AJAP1: variants seen among roughly 807,000 people sequenced by gnomAD.
The protein encoded by AJAP1 is adherens junction-associated protein 1.
AJAP1 carries 5 observed loss-of-function variants against 35.0 expected under a neutral mutation model. The observed-to-expected ratio is 0.14, with a 90% CI of 0.07 to 0.30. The LOEUF is 0.30. Ranked by LOEUF, AJAP1 falls within the 10% of genes least tolerant of loss-of-function variation. The pLI is 1.00. For missense variants in AJAP1, 586 were observed against 571.0 expected, an observed-to-expected ratio of 1.03 and a Z score of -0.27; for synonymous variants, 284 against 249.3, an observed-to-expected ratio of 1.14 and a Z score of -1.31.
At chr1:4,753,757 A>G (rs956567976) in intron 2 of AJAP1, among the ~76,000 whole-genome samples, 8 of 152,170 alleles carry the variant, frequency 5.3e-5, no homozygotes, top group African/African-American at 1.9e-4. Flanking sequence ...TTTTTAGTAG[A>G]GACAGGGTTT....
chr1:4,752,379 T>C (rs976279311), intron 2 of AJAP1, among the ~76,000 whole-genome samples: 3 of 152,084 alleles, frequency 2.0e-5, no homozygotes, highest in African/African-American at 7.2e-5. Flanking sequence ...GAGGACGTCA[T>C]GATCAGTAAT....
intron 4 of AJAP1, among the ~76,000 whole-genome samples, chr1:4,773,138 CT>C (rs1000095479): frequency 2.0e-5 from 3 of 151,266 alleles, no homozygotes; most frequent in African/African-American, 4.9e-5. Context: ...TATCAATAAG[CT>C]TTTTTTTTAA....
At position 4,668,785 on chromosome 1, in the gene AJAP1, G is replaced by T. The variant is rs118185704; in HGVS notation, c.29+13331G>T. Among the ~76,000 whole-genome samples the T allele has an allele frequency of 6.0e-3, 919 of 152,330 alleles. 37 individuals carry two copies. The South Asian group carries it at 0.075, about 12-fold the overall frequency. On this transcript the variant is annotated intron_variant, in intron 1 of 5. Transcript: ENST00000378191. ...GCACATCCAGGGTTAATGCCCACGG[G>T]GTGGAGCCTTCACTGTCCAGGCTTT...
Position 4,661,550 on chromosome 1 carries a change from C to T in AJAP1, c.29+6096C>T, listed in dbSNP as rs142459486. ...TCCAGGACTCGAAGGTCCATTCGTG[C>T]TCCTTATGCTGACCTCTGTGGCTTT... On this transcript the variant is annotated intron_variant, in intron 1 of 5. Coordinates refer to ENST00000378191, the MANE Select transcript of AJAP1 (RefSeq NM_018836.4). Among the ~76,000 whole-genome samples, 814 of 152,362 alleles carry T rather than the reference C, an allele frequency of 5.3e-3. 11 individuals are homozygous for T. Among genetic ancestry groups the T allele is most frequent in the African/African-American group, 0.019 (771 of 41,588 alleles).
At chr1:4,695,887 G>A (rs913833007) in intron 1 of AJAP1, among the ~76,000 whole-genome samples, 4 of 152,190 alleles carry the variant, frequency 2.6e-5, no homozygotes, top group African/African-American at 4.8e-5. Context: ...GCCCCTAACA[G>A]AGCCTCAGGG....
chr1:4,745,626 T>G (rs1321842242), intron 2 of AJAP1, among the ~76,000 whole-genome samples: 1 of 152,202 alleles, frequency 6.6e-6, no homozygotes, highest in African/African-American at 2.4e-5. Flanking sequence ...ATGCACACCT[T>G]GGGACTGCCA....
chr1:4,721,910 C>A (rs745361005), intron 2 of AJAP1, among the ~76,000 whole-genome samples: 1 of 152,158 alleles, frequency 6.6e-6, no homozygotes, highest in East Asian at 1.9e-4. Flanking sequence ...TAGGGTAAAA[C>A]GCTGTATTTG....
At chr1:4,755,123 G>A (rs1373834825) in intron 2 of AJAP1, among the ~76,000 whole-genome samples, 3 of 152,232 alleles carry the variant, frequency 2.0e-5, no homozygotes, top group African/African-American at 4.8e-5. Flanking sequence ...GGGAGAAGGG[G>A]CACCAGGTGA....
chr1:4,696,408 T>C (rs10915588), intron 1 of AJAP1, among the ~76,000 whole-genome samples: 72,645 of 151,898 alleles, frequency 0.48, 18,025 homozygotes, highest in South Asian at 0.62. Context: ...GTTCCAGCCC[T>C]AGGGGAGCCC....
At chr1:4,703,943 G>T (rs925805120) in intron 1 of AJAP1, among the ~76,000 whole-genome samples, 1 of 152,188 alleles carries the variant, frequency 6.6e-6, no homozygotes, top group Non-Finnish European at 1.5e-5. Context: ...TCTGCCCTCC[G>T]GATGGAGCCC....
In AJAP1 at chr1:4,655,579, G is replaced by A. The variant is rs1570072124; in HGVS notation, c.29+125G>A. On this transcript the variant is annotated intron_variant, in intron 1 of 5. Transcript: ENST00000378191. This position sits in a 1 kb window ranked among gnomAD's most constrained non-coding sequence, Gnocchi z 6.9. ...TCGCTTCCCGCAAGCGGGCAACGGG[G>A]TGCACCGGTAGCCGGAAAGGGGCGC... 1 of 1,250,190 alleles carries A rather than the reference G, an allele frequency of 8.0e-7. No individual in the cohort carries two copies. Among genetic ancestry groups the A allele is most frequent in the East Asian group, 3.1e-5 (1 of 32,124 alleles). 77.4% of individuals were successfully genotyped at this position (1,250,190 alleles called of 1,614,324 possible).
At chr1:4,686,986 T>G (rs1557608831) in intron 1 of AJAP1, among the ~76,000 whole-genome samples, 1 of 152,202 alleles carries the variant, frequency 6.6e-6, no homozygotes, top group Non-Finnish European at 1.5e-5. Context: ...CCTGCCCAAG[T>G]TGACCAGGGC....
At chr1:4,683,892 G>C (rs1639543038) in intron 1 of AJAP1, among the ~76,000 whole-genome samples, 2 of 152,214 alleles carry the variant, frequency 1.3e-5, no homozygotes, top group South Asian at 4.1e-4. Flanking sequence ...AGGGCAGGGG[G>C]CACTGAGGAG....
intron 1 of AJAP1, among the ~76,000 whole-genome samples, chr1:4,658,120 G>A (rs1197653305): frequency 6.6e-6 from 1 of 152,182 alleles, no homozygotes; most frequent in Non-Finnish European, 1.5e-5. Context: ...CCAGGCTGCA[G>A]ACCTCAGATG....
intron 1 of AJAP1, among the ~76,000 whole-genome samples, chr1:4,705,362 G>A (rs1640078137): frequency 1.5e-5 from 2 of 133,514 alleles, no homozygotes; most frequent in South Asian, 2.6e-4. Flanking sequence ...AAAAGCAATG[G>A]CAACAAAAGC....
At chr1:4,686,097 C>T (rs756980666) in intron 1 of AJAP1, among the ~76,000 whole-genome samples, 3 of 152,216 alleles carry the variant, frequency 2.0e-5, no homozygotes, top group East Asian at 3.9e-4. Context: ...GTGCCAGGCA[C>T]GAGACAGCTG....
chr1:4,724,813 A>G (rs930228287), intron 2 of AJAP1, among the ~76,000 whole-genome samples: 1 of 152,232 alleles, frequency 6.6e-6, no homozygotes, highest in African/African-American at 2.4e-5. Flanking sequence ...GCTGAAAGCC[A>G]TGCAGATCTT....
At chr1:4,696,358 C>T (rs1274158955) in intron 1 of AJAP1, among the ~76,000 whole-genome samples, 1 of 152,200 alleles carries the variant, frequency 6.6e-6, no homozygotes, top group Non-Finnish European at 1.5e-5. Context: ...TTCTCAGGAA[C>T]AGCTTCCGGA....
Position 4,772,533 on chromosome 1 carries a change from C to A in AJAP1, c.1163+8C>A. On this transcript the variant is annotated splice_region_variant and intron_variant, in intron 4 of 5. Transcript: ENST00000378191. ...CACATTTAATGGAAACCGGTAAGCT[C>A]GGGCTCTGCTAGACCCTGCAGCTGT... 2 of 1,613,278 alleles carry A rather than the reference C, an allele frequency of 1.2e-6. No individual in the cohort carries two copies. Among genetic ancestry groups the A allele is most frequent in the South Asian group, 2.2e-5 (2 of 90,992 alleles).
Sources: gnomAD v4.1 joint callset for allele counts (sites outside exome capture counted in the v4.1 genomes callset) on GRCh38, gnomAD v4.1.1 for gene constraint, Gnocchi (gnomAD v3.1) non-coding constraint, MANE v1.5 for transcripts, NCBI Gene and HGNC (gene_info 2026-07-23, HGNC 2026-07-21) for gene names.